The following MYDGF variants were observed in gnomAD, a reference collection of about 807,000 sequenced individuals.
MYDGF encodes the protein myeloid-derived growth factor.
MYDGF carries 29 observed loss-of-function variants against 24.2 expected under a neutral mutation model. The ratio of observed to expected loss-of-function variants is 1.20; its 90% CI spans 0.89 to 1.63. The LOEUF (loss-of-function observed/expected upper bound fraction) is 1.63, where lower values mean the gene tolerates loss of function less well. Ranked by LOEUF, MYDGF falls within the 40% of genes most tolerant of loss-of-function variation. The pLI, the probability that MYDGF is intolerant of heterozygous loss-of-function variation, is 0.00. For missense variants in MYDGF, 245 were observed against 234.8 expected, an observed-to-expected ratio of 1.04 and a Z score of -0.29; for synonymous variants, 105 against 102.5, an observed-to-expected ratio of 1.02 and a Z score of -0.15.
chr19:4,668,405 A>G (rs8112182), intron 2 of MYDGF, among the ~76,000 whole-genome samples, 190 bp downstream of exon 2: 37,525 of 152,136 alleles, frequency 0.25, 8,174 homozygotes, highest in African/African-American at 0.59. Flanking sequence ...CTTGCTCTGT[A>G]GAATAATAAC....
At chr19:4,661,531 C>T (rs889783632) in intron 3 of MYDGF, among the ~76,000 whole-genome samples, 7 of 152,050 alleles carry the variant, frequency 4.6e-5, no homozygotes, top group Non-Finnish European at 7.3e-5. Flanking sequence ...AGGCTGCTAA[C>T]GGAGGCTTCT....
rs2145181093 is a variant in MYDGF at position 4,658,030 on chromosome 19, G to A, written c.497C>T (p.Ala166Val). The A allele has an allele frequency of 1.2e-6, 2 of 1,611,558 alleles. No homozygotes were observed. Among genetic ancestry groups the A allele is most frequent in the East Asian group, 4.5e-5 (2 of 44,862 alleles). ...KAELSKLVIV[A>V]KASRTEL is the part of the protein sequence containing the mutation. Reference sequence around the variant, plus strand: ...TCACAGCTCAGTGCGCGATGCCTTGGCCACAATCACCAGCTTGGACAGCTC... The same window carrying A: ...TCACAGCTCAGTGCGCGATGCCTTGACCACAATCACCAGCTTGGACAGCTC... The change falls in exon 6 of 6, where the codon GCC becomes GTC. Residue 166 changes from alanine (A) to valine (V), a missense_variant. Transcript: ENST00000262947.
intron 2 of MYDGF, among the ~76,000 whole-genome samples, chr19:4,665,973 A>AAAC (rs1036306983): frequency 2.6e-5 from 4 of 151,996 alleles, no homozygotes; most frequent in Admixed American, 2.6e-4. Context: ...ATGGGTGTGA[A>AAAC]AACCAAGACT....
intron 5 of MYDGF, among the ~76,000 whole-genome samples, chr19:4,658,887 C>T (rs2088446192): frequency 6.6e-6 from 1 of 151,960 alleles, no homozygotes; most frequent in Non-Finnish European, 1.5e-5. Context: ...ACTGCAACCT[C>T]CTGCTCCTAA....
chr19:4,664,422 G>A (rs954422554), intron 3 of MYDGF, among the ~76,000 whole-genome samples: 9 of 151,472 alleles, frequency 5.9e-5, no homozygotes, highest in South Asian at 4.2e-4. Flanking sequence ...CCCAGGAGGC[G>A]GAGGCTGCAG....
At chr19:4,659,755 C>T in intron 5 of MYDGF, 176 bp downstream of exon 5, 1 of 642,902 alleles carries the variant, frequency 1.6e-6, no homozygotes. Context: ...TAGACAGAAC[C>T]CACAGTGCCA....
chr19:4,668,577 G>T lies in MYDGF; in HGVS notation c.225+18C>A. On this transcript the variant is annotated intron_variant, in intron 2 of 5. Transcript: ENST00000262947. ...GGATACTGTCACAGTAAGCTAGAGG[G>T]AATTTTGAACAACTCACCTCATTGG... 1 of 1,601,456 alleles carries T rather than the reference G, an allele frequency of 6.2e-7. No homozygotes were observed. The highest frequency in any genetic ancestry group is 1.1e-5 in the South Asian group (1 of 90,840).
chr19:4,659,370 C>A (rs776655184), intron 5 of MYDGF, among the ~76,000 whole-genome samples: 1 of 152,004 alleles, frequency 6.6e-6, no homozygotes, highest in South Asian at 2.1e-4. Context: ...ATTACAGGTG[C>A]GCACCACCAC....
Position 4,660,696 on chromosome 19 carries a change from GC to G in MYDGF, c.341del (p.Gly114AlafsTer23). On this transcript the variant is annotated frameshift_variant, in exon 4 of 6. Transcript: ENST00000262947. LOFTEE classifies it high-confidence loss of function. ...AGGCCATGGCGTACTCAATCTCAGCGCCCCGCACCTCTGCCTTGAACTGTGT... is the reference window on the plus strand; with the variant it reads ...AGGCCATGGCGTACTCAATCTCAGCGCCCGCACCTCTGCCTTGAACTGTGT... ...YFTQFKAEVR[G>X]AEIEYAMAYS... The G allele has an allele frequency of 1.9e-6, 3 of 1,614,004 alleles. No homozygotes were observed. The highest frequency in any genetic ancestry group is 2.5e-6 in the Non-Finnish European group (3 of 1,179,986).
At chr19:4,659,405 A>G (rs1287727669) in intron 5 of MYDGF, among the ~76,000 whole-genome samples, 4 of 151,690 alleles carry the variant, frequency 2.6e-5, no homozygotes, top group Non-Finnish European at 5.9e-5. Flanking sequence ...TTGCATTTTT[A>G]GTAGAGATGG....
At chr19:4,665,138 C>T (rs973406828) in intron 2 of MYDGF, among the ~76,000 whole-genome samples, 10 of 152,248 alleles carry the variant, frequency 6.6e-5, no homozygotes, top group African/African-American at 2.2e-4. Flanking sequence ...TGCACCACAT[C>T]CTTCCCATAA....
At chr19:4,668,841 C>T (rs2088540749) in intron 1 of MYDGF, 196 bp from the exon 2 acceptor site, 1 of 502,450 alleles carries the variant, frequency 2.0e-6, no homozygotes, top group Non-Finnish European at 3.6e-6. Context: ...AACCACCACA[C>T]CCGACTAATT....
chr19:4,663,252 C>CTCCCCACCCACCT (rs2088486158), intron 3 of MYDGF, among the ~76,000 whole-genome samples: 1 of 141,234 alleles, frequency 7.1e-6, no homozygotes, highest in Non-Finnish European at 1.6e-5. Context: ...CCCACCCACC[C>CTCCCCACCCACCT]CATCCTCATT....
intron 3 of MYDGF, among the ~76,000 whole-genome samples, chr19:4,663,867 C>G (rs1419240129): frequency 6.7e-6 from 1 of 148,980 alleles, no homozygotes; most frequent in Non-Finnish European, 1.5e-5. Flanking sequence ...GCGCCCCACC[C>G]CCAACCCCCG....
intron 5 of MYDGF, among the ~76,000 whole-genome samples, chr19:4,659,156 G>T (rs1430445423): frequency 6.6e-6 from 1 of 152,042 alleles, no homozygotes; most frequent in Non-Finnish European, 1.5e-5. Flanking sequence ...GCTCAATGCA[G>T]CCTCGACCTC....
At chr19:4,668,753 C>T in intron 1 of MYDGF, 108 bp from the exon 2 acceptor site, 1 of 878,588 alleles carries the variant, frequency 1.1e-6, no homozygotes, top group Non-Finnish European at 1.8e-6. Flanking sequence ...ACAATGACAG[C>T]TCACTGCAGC....
Position 4,659,982 on chromosome 19 carries a change from C to A in MYDGF, c.391G>T (p.Glu131Ter), listed in dbSNP as rs751329945. The change falls in exon 5 of 6, where the codon GAA (glutamate) becomes TAA (stop). Residue 131 changes from glutamate to a stop codon, truncating the protein, a stop_gained. Coordinates refer to ENST00000262947, the MANE Select transcript of MYDGF (RefSeq NM_019107.4). LOFTEE classifies it high-confidence loss of function. ...TCAGTTTTCAGAGGGACATCACTTT[C>A]CCTTTCAAATGCGGCTTTAGACTGA... is the stretch of plus-strand genomic sequence containing the variant. ...MAYSKAAFER[E>*]SDVPLKTEEF... 40 of 1,613,914 alleles carry A rather than the reference C, an allele frequency of 2.5e-5. No homozygotes were observed. The highest frequency in any genetic ancestry group is 3.4e-5 in the Non-Finnish European group (40 of 1,180,022).
intron 1 of MYDGF, 26 bp from the exon 2 acceptor site, chr19:4,668,671 T>C: frequency 6.2e-7 from 1 of 1,603,776 alleles, no homozygotes; most frequent in Non-Finnish European, 8.5e-7. Flanking sequence ...AAAAAAAAGG[T>C]TTGGTAGAAG....
chr19:4,660,316 T>C (rs1461273693), intron 4 of MYDGF, among the ~76,000 whole-genome samples: 2 of 152,014 alleles, frequency 1.3e-5, no homozygotes, highest in African/African-American at 2.4e-5. Flanking sequence ...TTGGTAGATA[T>C]AGGGTCTTGC....
Sources: allele counts gnomAD v4.1 joint callset (sites outside exome capture counted in the v4.1 genomes callset), GRCh38; gene constraint gnomAD v4.1.1; transcripts MANE v1.5; gene names NCBI Gene and HGNC (gene_info 2026-07-23, HGNC 2026-07-21).